The following OTUD7A variants were observed in gnomAD, a reference collection of about 807,000 sequenced individuals.
OTUD7A encodes OTU domain-containing protein 7A.
A neutral mutation model predicts 65.7 loss-of-function variants in OTUD7A; 12 were observed. The ratio of observed to expected loss-of-function variants is 0.18; its 90% confidence interval spans 0.12 to 0.30. The LOEUF (loss-of-function observed/expected upper bound fraction) is 0.30, where lower values mean the gene tolerates loss of function less well. OTUD7A is among the 10% of genes least tolerant of loss of function. OTUD7A has a pLI of 1.00. For missense variants in OTUD7A, 1,148 were observed against 1,304.8 expected, an observed-to-expected ratio of 0.88 and a Z score of 1.85; for synonymous variants, 641 against 586.3, an observed-to-expected ratio of 1.09 and a Z score of -1.35.
intron 1 of OTUD7A, among the ~76,000 whole-genome samples, chr15:31,795,103 TAAAGA>T (rs893465502): frequency 1.6e-4 from 24 of 152,206 alleles, no homozygotes; most frequent in Non-Finnish European, 3.4e-4. Context: ...ACTTGGGCCT[TAAAGA>T]AATCCAGACA....
chr15:31,558,918 C>T (rs933652074), intron 5 of OTUD7A, 51 bp downstream of exon 5: 1 of 1,581,608 alleles, frequency 6.3e-7, no homozygotes, highest in Non-Finnish European at 8.7e-7. Flanking sequence ...TAGGCCAGCT[C>T]ACCATTCACC....
At chr15:31,545,371 A>G (rs1189033159) in intron 5 of OTUD7A, among the ~76,000 whole-genome samples, 1 of 152,074 alleles carries the variant, frequency 6.6e-6, no homozygotes, top group African/African-American at 2.4e-5. Flanking sequence ...AGGTTTCTTA[A>G]GCTGAAATAG....
intron 1 of OTUD7A, among the ~76,000 whole-genome samples, chr15:31,793,046 G>A (rs1270824606): frequency 2.6e-5 from 4 of 152,166 alleles, no homozygotes; most frequent in Non-Finnish European, 5.9e-5. Context: ...CAGGAAATGA[G>A]CCCCAAACTG....
intron 1 of OTUD7A, among the ~76,000 whole-genome samples, chr15:31,662,915 C>T (rs2141286511): frequency 6.6e-6 from 1 of 152,256 alleles, no homozygotes; most frequent in Non-Finnish European, 1.5e-5. Flanking sequence ...ATTTATCCTG[C>T]TCAAATCAAA....
intron 1 of OTUD7A, among the ~76,000 whole-genome samples, chr15:31,812,713 G>A (rs1381526251): frequency 6.6e-6 from 1 of 152,098 alleles, no homozygotes; most frequent in African/African-American, 2.4e-5. Context: ...CCCACTCCCT[G>A]CAGTCTCAAA....
chr15:31,661,275 G>T (rs914016292), intron 1 of OTUD7A, among the ~76,000 whole-genome samples: 22 of 152,176 alleles, frequency 1.4e-4, no homozygotes, highest in African/African-American at 3.9e-4. Context: ...GCATTGAAAT[G>T]ATATACTCAT....
At chr15:31,643,139 T>TGTGGAAAAAAA (rs202175828) in intron 3 of OTUD7A, among the ~76,000 whole-genome samples, 4 of 151,870 alleles carry the variant, frequency 2.6e-5, no homozygotes, top group African/African-American at 4.8e-5. Flanking sequence ...TCACAGATGC[T>TGTGGAAAAAAA]TTAATTTTTA....
At chr15:31,746,507 A>ATT (rs33918687) in intron 1 of OTUD7A, among the ~76,000 whole-genome samples, 12,056 of 143,414 alleles carry the variant, frequency 0.084, 596 homozygotes, top group Non-Finnish European at 0.097. Flanking sequence ...GTTTTTACAT[A>ATT]TTTTTTTTTT....
intron 1 of OTUD7A, among the ~76,000 whole-genome samples, chr15:31,757,692 GA>G (rs1894854207): frequency 6.6e-6 from 1 of 152,110 alleles, no homozygotes; most frequent in African/African-American, 2.4e-5. Context: ...AGTCACTAAT[GA>G]AATGTCAATT....
intron 3 of OTUD7A, among the ~76,000 whole-genome samples, chr15:31,597,070 G>A (rs8024264): frequency 0.087 from 13,204 of 151,920 alleles, 1,421 homozygotes; most frequent in African/African-American, 0.26. Flanking sequence ...GACCACAGGT[G>A]CATGCTATCA....
At chr15:31,838,674 C>T (rs1161481225) in intron 1 of OTUD7A, among the ~76,000 whole-genome samples, 1 of 145,168 alleles carries the variant, frequency 6.9e-6, no homozygotes, top group Non-Finnish European at 1.5e-5. Flanking sequence ...CCCACTACTC[C>T]TAAGTGATCT....
chr15:31,514,305 C>T (rs1357232764), intron 8 of OTUD7A, among the ~76,000 whole-genome samples: 1 of 152,132 alleles, frequency 6.6e-6, no homozygotes, highest in Admixed American at 6.5e-5. Context: ...TCTGTCTCAG[C>T]CTCCCAAAGT....
chr15:31,511,891 T>G (rs2041757384), intron 8 of OTUD7A, among the ~76,000 whole-genome samples: 1 of 151,988 alleles, frequency 6.6e-6, no homozygotes, highest in South Asian at 2.1e-4. Context: ...CCTTGAGGCT[T>G]AACCCCCCCG....
intron 1 of OTUD7A, among the ~76,000 whole-genome samples, chr15:31,868,904 C>T (rs781100623): frequency 1.3e-5 from 2 of 152,172 alleles, no homozygotes; most frequent in Non-Finnish European, 2.9e-5. Context: ...CTAACCAGGT[C>T]CCAACTTTTG....
chr15:31,623,741 G>A (rs773713107), intron 3 of OTUD7A, among the ~76,000 whole-genome samples: 5 of 152,142 alleles, frequency 3.3e-5, no homozygotes, highest in African/African-American at 4.8e-5. Context: ...ACCATGCTTC[G>A]GCTCATGCTC....
At position 31,861,292 on chromosome 15, in the gene OTUD7A, G is replaced by A. The variant is rs1595821731; in HGVS notation, c.-100+9215C>T. Among the ~76,000 whole-genome samples the A allele has an allele frequency of 3.3e-5, 5 of 152,234 alleles. No individual in the cohort carries two copies. In the South Asian group the frequency reaches 1.0e-3, roughly 32 times the overall value. ...GGGGGCACTTTCTTTCCCCAGCCTGGACCAGGTTCTCTAGTCACTAGTCAA... is the reference window on the plus strand; with the variant it reads ...GGGGGCACTTTCTTTCCCCAGCCTGAACCAGGTTCTCTAGTCACTAGTCAA... On this transcript the variant is annotated intron_variant, in intron 1 of 12. Coordinates refer to ENST00000307050, the MANE Select transcript of OTUD7A (RefSeq NM_001382637.1).
chr15:31,531,520 C>CAAAAAAAAAAAAAAA (rs60332452), intron 5 of OTUD7A, among the ~76,000 whole-genome samples: 11 of 80,144 alleles, frequency 1.4e-4, no homozygotes, highest in Non-Finnish European at 2.0e-4. Flanking sequence ...GAGTAGGCCA[C>CAAAAAAAAAAAAAAA]AAAAAAAAAA....
At chr15:31,576,391 A>G (rs1398898060) in intron 3 of OTUD7A, among the ~76,000 whole-genome samples, 1 of 152,198 alleles carries the variant, frequency 6.6e-6, no homozygotes, top group Non-Finnish European at 1.5e-5. Context: ...CTAAGGCATA[A>G]GTGATTATTC....
At chr15:31,606,231 T>C (rs1389517798) in intron 3 of OTUD7A, among the ~76,000 whole-genome samples, 1 of 152,226 alleles carries the variant, frequency 6.6e-6, no homozygotes, top group Non-Finnish European at 1.5e-5. Context: ...GAAACTTTGT[T>C]TAACTATTTT....
Sources: gnomAD v4.1 joint callset for allele counts (sites outside exome capture counted in the v4.1 genomes callset) on GRCh38, gnomAD v4.1.1 for gene constraint, MANE v1.5 for transcripts, NCBI Gene and HGNC (gene_info 2026-07-23, HGNC 2026-07-21) for gene names.